ELAPOR2: variants seen among roughly 807,000 people sequenced by gnomAD.
The protein encoded by ELAPOR2 is endosome/lysosome-associated apoptosis and autophagy regulator family member 2.
In ELAPOR2, 89 loss-of-function variants were observed where a neutral mutation model predicts 120.7. That is an observed-to-expected ratio of 0.74 (90% CI 0.62 to 0.88). The LOEUF is 0.88. Ranked by LOEUF, ELAPOR2 falls within the 40% of genes least tolerant of loss-of-function variation. The probability of loss-of-function intolerance (pLI) is 0.00; values close to 1 mark genes in which losing one functional copy is unlikely to be tolerated. For missense variants in ELAPOR2, 1,134 were observed against 1,251.6 expected, an observed-to-expected ratio of 0.91 and a Z score of 1.42; for synonymous variants, 444 against 444.9, an observed-to-expected ratio of 1.00 and a Z score of 0.03.
At chr7:86,937,961 A>G (rs1210696630) in intron 8 of ELAPOR2, among the ~76,000 whole-genome samples, 165 bp downstream of exon 8, 1 of 152,122 alleles carries the variant, frequency 6.6e-6, no homozygotes, top group Admixed American at 6.6e-5. Context: ...GTATATGTGA[A>G]ATTCAAAGCC....
intron 1 of ELAPOR2, among the ~76,000 whole-genome samples, chr7:87,040,115 G>A (rs983393390): frequency 2.0e-5 from 3 of 152,264 alleles, no homozygotes; most frequent in Non-Finnish European, 4.4e-5. Context: ...GGCTCGGAGG[G>A]TCCTACGCCC....
chr7:86,976,377 A>T (rs968824893), intron 1 of ELAPOR2, among the ~76,000 whole-genome samples: 10 of 152,228 alleles, frequency 6.6e-5, no homozygotes, highest in Non-Finnish European at 2.9e-5. Context: ...GTAATAGAGA[A>T]GATAATCCTC....
At chr7:86,926,618 C>T in intron 9 of ELAPOR2, 118 bp downstream of exon 9, 4 of 1,045,372 alleles carry the variant, frequency 3.8e-6, no homozygotes, top group Non-Finnish European at 2.7e-6. Flanking sequence ...TTTTTGTCTA[C>T]TAAAACTAAA....
intron 9 of ELAPOR2, 83 bp downstream of exon 9, chr7:86,926,653 A>T (rs1222292990): frequency 7.5e-6 from 10 of 1,336,956 alleles, no homozygotes; most frequent in Non-Finnish European, 1.0e-5. Flanking sequence ...CACTTTCCAT[A>T]AAAACAATTT....
At chr7:86,982,546 T>C (rs1792544083) in intron 1 of ELAPOR2, among the ~76,000 whole-genome samples, 1 of 152,078 alleles carries the variant, frequency 6.6e-6, no homozygotes. Context: ...GCCAACAGGG[T>C]CCAGAGTGGA....
At chr7:86,916,456 G>A (rs1299217951) in intron 12 of ELAPOR2, among the ~76,000 whole-genome samples, 1 of 152,172 alleles carries the variant, frequency 6.6e-6, no homozygotes, top group Non-Finnish European at 1.5e-5. Context: ...ACAAATTCAG[G>A]TGACTAAAGA....
At chr7:86,907,445 G>C (rs548129344) in intron 18 of ELAPOR2, among the ~76,000 whole-genome samples, 1 of 151,394 alleles carries the variant, frequency 6.6e-6, no homozygotes, top group African/African-American at 2.4e-5. Context: ...AACACAAACA[G>C]GACAAGAATA....
chr7:87,044,612 T>C (rs1251299495), intron 1 of ELAPOR2, among the ~76,000 whole-genome samples: 1 of 151,662 alleles, frequency 6.6e-6, no homozygotes, highest in East Asian at 1.9e-4. Flanking sequence ...CAATTCAAGA[T>C]GGATTAAAGA....
intron 18 of ELAPOR2, among the ~76,000 whole-genome samples, chr7:86,905,108 A>AAGGAAGGAAGGAAGG (rs1375876728): frequency 6.7e-6 from 1 of 149,372 alleles, no homozygotes; most frequent in East Asian, 2.0e-4. Context: ...GGAAGGAAGG[A>AAGGAAGGAAGGAAGG]AGGAAGGAAG....
chr7:87,059,258 G>C (rs1355313402), intron 1 of ELAPOR2, 67 bp downstream of exon 1: 7 of 1,240,788 alleles, frequency 5.6e-6, no homozygotes, highest in Non-Finnish European at 6.1e-6. Context: ...AACAGGAACC[G>C]CTCTCAGCCT....
At chr7:86,908,187 G>A (rs1331375717) in intron 17 of ELAPOR2, among the ~76,000 whole-genome samples, 6 of 139,042 alleles carry the variant, frequency 4.3e-5, no homozygotes, top group East Asian at 4.1e-4. Context: ...ACACACACAC[G>A]AGAAATTATA....
At position 86,986,289 on chromosome 7, in the gene ELAPOR2, C is replaced by T. The variant is rs535549490; in HGVS notation, c.190-21265G>A. The stretch of plus-strand genomic sequence containing the variant: ...CTAAAAATACAAAAAATTAGCCGGG[C>T]GTAGTGGCGGGCGCCTGTAGTCCCA... On this transcript the variant is annotated intron_variant, in intron 1 of 21. Coordinates refer to ENST00000450689, the MANE Select transcript of ELAPOR2 (RefSeq NM_001142749.3). Among the ~76,000 whole-genome samples, 6 of 117,096 alleles carry T rather than the reference C, an allele frequency of 5.1e-5. 1 individual carries two copies. Among genetic ancestry groups the T allele is most frequent in the Non-Finnish European group, 1.0e-4 (6 of 57,620 alleles). 76.8% of individuals were successfully genotyped at this position (117,096 alleles called of 152,430 possible). A position where few individuals can be genotyped will look rare whatever the true frequency, so the allele number is the denominator to read the frequency against.
chr7:86,944,253 A>G (rs956659371), intron 4 of ELAPOR2, among the ~76,000 whole-genome samples: 6 of 152,096 alleles, frequency 3.9e-5, no homozygotes, highest in African/African-American at 1.4e-4. Flanking sequence ...ACTGTTTATT[A>G]CTAATGGTTA....
chr7:87,051,376 C>A (rs1009868527), intron 1 of ELAPOR2, among the ~76,000 whole-genome samples: 1 of 152,132 alleles, frequency 6.6e-6, no homozygotes, highest in African/African-American at 2.4e-5. Flanking sequence ...AAAAGTACTC[C>A]TATAAAATAT....
chr7:86,953,180 G>GATTTATAAT (rs11281167), intron 2 of ELAPOR2, among the ~76,000 whole-genome samples: 32,408 of 151,664 alleles, frequency 0.21, 5,563 homozygotes, highest in African/African-American at 0.48. Flanking sequence ...TCTGCCAGTG[G>GATTTATAAT]ATTACATCCT....
Position 86,907,553 on chromosome 7 carries a change from C to G in ELAPOR2, c.2558+117G>C, listed in dbSNP as rs928320666. Reference sequence around the variant, plus strand: ...CCCTACAAAAAAAAAAAAAACCCTACAGATTGTTCTGTTTTCTTTCTGCTT... The same window carrying G: ...CCCTACAAAAAAAAAAAAAACCCTAGAGATTGTTCTGTTTTCTTTCTGCTT... On this transcript the variant is annotated intron_variant, in intron 18 of 21. Transcript: ENST00000450689. 52 of 643,152 alleles carry G rather than the reference C, an allele frequency of 8.1e-5. No individual in the cohort carries two copies. In the African/African-American group the frequency reaches 8.3e-4, roughly 10 times the overall value. 39.8% of individuals were successfully genotyped at this position (643,152 alleles called of 1,614,324 possible).
intron 8 of ELAPOR2, among the ~76,000 whole-genome samples, chr7:86,932,197 G>T (rs551348708): frequency 6.6e-6 from 1 of 152,016 alleles, no homozygotes; most frequent in South Asian, 2.1e-4. Flanking sequence ...TGAGCATCTT[G>T]CAACACCGGA....
intron 1 of ELAPOR2, among the ~76,000 whole-genome samples, chr7:86,975,437 A>T (rs933041720): frequency 3.3e-5 from 5 of 152,192 alleles, no homozygotes; most frequent in South Asian, 2.1e-4. Context: ...TAGATTTTTT[A>T]AAAAATAATA....
intron 1 of ELAPOR2, among the ~76,000 whole-genome samples, chr7:87,041,570 T>C (rs1794787523): frequency 6.6e-6 from 1 of 152,038 alleles, no homozygotes; most frequent in Non-Finnish European, 1.5e-5. Flanking sequence ...CTGAGAGATT[T>C]TGTAACCACC....
Sources: allele counts gnomAD v4.1 joint callset (sites outside exome capture counted in the v4.1 genomes callset), GRCh38; gene constraint gnomAD v4.1.1; transcripts MANE v1.5; gene names NCBI Gene and HGNC (gene_info 2026-07-23, HGNC 2026-07-21).